The following AK9 variants were observed in gnomAD, a reference collection of about 807,000 sequenced individuals.
AK9 encodes the protein adenylate kinase domain containing 1.
A neutral mutation model predicts 239.6 loss-of-function variants in AK9; 191 were observed. The observed-to-expected ratio is 0.80, with a 90% CI of 0.71 to 0.90. The LOEUF (loss-of-function observed/expected upper bound fraction) is 0.90, where lower values mean the gene tolerates loss of function less well. AK9 is among the 40% of genes least tolerant of loss of function. The pLI is 0.00. For missense variants in AK9, 1,995 were observed against 2,214.7 expected (o/e 0.90, Z 1.99); for synonymous variants, 689 against 721.0 (o/e 0.96, Z 0.71).
At chr6:109,574,997 T>A (rs893106587) in intron 20 of AK9, among the ~76,000 whole-genome samples, 5 of 152,242 alleles carry the variant, frequency 3.3e-5, no homozygotes, top group African/African-American at 1.2e-4. Context: ...CTTAGAATAA[T>A]GGTCTCCAAC....
At chr6:109,506,194 GATA>G (rs1290558468) in intron 35 of AK9, 130 bp downstream of exon 35, 3 of 753,818 alleles carry the variant, frequency 4.0e-6, no homozygotes, top group African/African-American at 1.8e-5. Context: ...TATAGTATTG[GATA>G]ATAAGTATTG....
In AK9 at chr6:109,536,090, CTCT is replaced by C. The variant is rs546423199; in HGVS notation, c.3351-2623_3351-2621del. On this transcript the variant is annotated intron_variant, in intron 27 of 40. Transcript: ENST00000424296. ...CTTAGGATTAACTTGGCAATGCAGG[CTCT>C]TTTTTGGTTCCATATGAACTTTAAG... Among the ~76,000 whole-genome samples the C allele has an allele frequency of 1.7e-3, 262 of 152,266 alleles. 1 individual carries two copies. Among genetic ancestry groups the C allele is most frequent in the African/African-American group, 6.0e-3 (248 of 41,550 alleles).
chr6:109,614,319 T>C lies in AK9; in HGVS notation c.1496-23A>G, dbSNP rs1456170918. On this transcript the variant is annotated intron_variant, in intron 14 of 40. Coordinates refer to ENST00000424296, the MANE Select transcript of AK9 (RefSeq NM_001145128.3). ...ACCCTGCAATGAAAGAATAATATAC[T>C]TTATCAGCTAATCTATTTATATTAG... 6 of 1,548,940 alleles carry C rather than the reference T, an allele frequency of 3.9e-6. No homozygotes were observed. In the African/African-American group the frequency reaches 8.2e-5, roughly 21 times the overall value.
chr6:109,591,198 T>C (rs1056642686), intron 17 of AK9, among the ~76,000 whole-genome samples: 1 of 152,202 alleles, frequency 6.6e-6, no homozygotes, highest in East Asian at 1.9e-4. Context: ...ATCTTGGTGC[T>C]GTGGTATTCG....
intron 8 of AK9, among the ~76,000 whole-genome samples, chr6:109,649,784 C>T (rs1180156042): frequency 2.0e-5 from 3 of 152,182 alleles, no homozygotes; most frequent in Non-Finnish European, 2.9e-5. Context: ...CAAGGCAATC[C>T]TAAGCCAAAA....
chr6:109,590,387 C>T (rs777640956), intron 17 of AK9, among the ~76,000 whole-genome samples: 17 of 152,204 alleles, frequency 1.1e-4, no homozygotes, highest in African/African-American at 3.9e-4. Flanking sequence ...AGTGATCTTT[C>T]GTATTTCTGT....
intron 13 of AK9, among the ~76,000 whole-genome samples, chr6:109,618,222 A>T (rs1340592852): frequency 6.6e-6 from 1 of 152,100 alleles, no homozygotes; most frequent in Non-Finnish European, 1.5e-5. Flanking sequence ...GATTTTTGAA[A>T]GTGAGGAAGA....
chr6:109,496,942 C>T (rs1269454436), intron 38 of AK9, among the ~76,000 whole-genome samples: 1 of 152,068 alleles, frequency 6.6e-6, no homozygotes, highest in Non-Finnish European at 1.5e-5. Context: ...AGCATGAGTC[C>T]ATGAAACCGC....
rs117563658 is a variant in AK9 at position 109,688,773 on chromosome 6, T to C, written c.-12+2374A>G. On this transcript the variant is annotated intron_variant, in intron 1 of 40. Coordinates refer to ENST00000424296, the MANE Select transcript of AK9 (RefSeq NM_001145128.3). ...AAATCTTAAAACTACTGCTGCCACC[T>C]GGTCATTTTTGACTCCAAAAGCTCA... Among the ~76,000 whole-genome samples the C allele has an allele frequency of 3.9e-4, 59 of 152,328 alleles. No homozygotes were observed. In the East Asian group the frequency reaches 9.8e-3, roughly 25 times the overall value.
intron 9 of AK9, among the ~76,000 whole-genome samples, chr6:109,642,286 A>G (rs1008056710): frequency 1.2e-4 from 19 of 152,306 alleles, no homozygotes; most frequent in African/African-American, 4.6e-4. Context: ...TTGTGCAGAC[A>G]CTACATGGAA....
Position 109,675,619 on chromosome 6 carries a change from G to T in AK9, c.117+10C>A. On this transcript the variant is annotated intron_variant, in intron 2 of 40. Transcript: ENST00000424296. Reference sequence around the variant, plus strand: ...AAAAAAATTATACCAAATAATAAGAGATAACTTACTGGTTTCCCAAATACA... The same window carrying T: ...AAAAAAATTATACCAAATAATAAGATATAACTTACTGGTTTCCCAAATACA... 1.4e-6 allele frequency: 2 copies of T among 1,425,682 alleles called. No individual in the cohort carries two copies. Among genetic ancestry groups the T allele is most frequent in the Non-Finnish European group, 1.9e-6 (2 of 1,064,036 alleles). The allele number at this position is 1,425,682 out of a possible 1,614,324, so 88.3% of individuals were successfully genotyped here. A position where few individuals can be genotyped will look rare whatever the true frequency, so the allele number is the denominator to read the frequency against.
chr6:109,584,110 A>G (rs1789186784), intron 19 of AK9, among the ~76,000 whole-genome samples: 1 of 152,194 alleles, frequency 6.6e-6, no homozygotes. Flanking sequence ...TAACTAATTT[A>G]ACTAAATCTT....
chr6:109,650,543 A>G (rs1798775754), intron 8 of AK9, among the ~76,000 whole-genome samples: 1 of 151,990 alleles, frequency 6.6e-6, no homozygotes, highest in African/African-American at 2.4e-5. Context: ...ACCATCTCAC[A>G]CCAGTTAGAA....
intron 3 of AK9, among the ~76,000 whole-genome samples, chr6:109,673,914 GT>G (rs1771300170): frequency 6.6e-6 from 1 of 151,174 alleles, no homozygotes; most frequent in Non-Finnish European, 1.5e-5. Flanking sequence ...TGGGAAGACT[GT>G]TTGAGCCCAG....
intron 1 of AK9, among the ~76,000 whole-genome samples, chr6:109,683,533 T>G (rs2128357546): frequency 6.6e-6 from 1 of 152,302 alleles, no homozygotes; most frequent in Middle Eastern, 3.4e-3. Flanking sequence ...CTTAAGCTGA[T>G]AAGCAACTTC....
rs777975301 is a variant in AK9 at position 109,550,188 on chromosome 6, T to G, written c.2866A>C (p.Lys956Gln). The change falls in exon 25 of 41, where the codon AAG becomes CAG. Residue 956 changes from lysine to glutamine, a missense_variant. Physicochemically the swap from Lys to Gln is moderately conservative, Grantham distance 53. Transcript: ENST00000424296. ...AAGTAGTAGATCTTTTCTCGATACTTGGCTGCTTCTTCTGTGTTTCCTGGT... is the reference window on the plus strand; with the variant it reads ...AAGTAGTAGATCTTTTCTCGATACTGGGCTGCTTCTTCTGTGTTTCCTGGT... ...LQPGNTEEAAKYREKIYYFSS... is the reference protein window; with the variant it reads ...LQPGNTEEAAQYREKIYYFSS... 6.2e-7 allele frequency: 1 copy of G among 1,613,986 alleles called. No individual in the cohort carries two copies. The highest frequency in any genetic ancestry group is 2.2e-5 in the East Asian group (1 of 44,862).
chr6:109,652,453 A>T (rs1417417221), intron 8 of AK9, among the ~76,000 whole-genome samples: 1 of 152,232 alleles, frequency 6.6e-6, no homozygotes, highest in Non-Finnish European at 1.5e-5. Flanking sequence ...GGAGTTTGAG[A>T]TCATAATGGA....
chr6:109,607,768 G>GGTGTGTGTGTGTGT (rs10648225), intron 17 of AK9, among the ~76,000 whole-genome samples: 7 of 145,486 alleles, frequency 4.8e-5, no homozygotes, highest in Admixed American at 2.1e-4. Flanking sequence ...CCAGCAGAGG[G>GGTGTGTGTGTGTGT]GTGTGTGTGT....
At chr6:109,602,255 G>T (rs1474974336) in intron 17 of AK9, among the ~76,000 whole-genome samples, 3 of 152,248 alleles carry the variant, frequency 2.0e-5, no homozygotes, top group Non-Finnish European at 2.9e-5. Flanking sequence ...AGGAGCTCTT[G>T]TAGGGCAGGC....
Sources: allele counts gnomAD v4.1 joint callset (sites outside exome capture counted in the v4.1 genomes callset), GRCh38; gene constraint gnomAD v4.1.1; transcripts MANE v1.5; gene names NCBI Gene and HGNC (gene_info 2026-07-23, HGNC 2026-07-21).